Variants in MDM2 observed in about 807,000 individuals in gnomAD.
MDM2 encodes MDM2 proto-oncogene, also known as E3 ubiquitin-protein ligase Mdm2.
Under a neutral mutation model 64.3 loss-of-function variants are expected in MDM2, and 11 were observed. The ratio of observed to expected loss-of-function variants is 0.17; its 90% CI spans 0.11 to 0.28. The LOEUF (loss-of-function observed/expected upper bound fraction) is 0.28. Ranked by LOEUF, MDM2 falls within the 10% of genes least tolerant of loss-of-function variation. The pLI is 1.00. For synonymous variants in MDM2, 194 were observed against 192.9 expected (o/e 1.01, Z -0.05); for missense variants, 388 against 577.1 (o/e 0.67, Z 3.36).
At chr12:68,810,467 TA>T (rs796844444) in intron 2 of MDM2, among the ~76,000 whole-genome samples, 8 of 151,468 alleles carry the variant, frequency 5.3e-5, no homozygotes, top group African/African-American at 1.2e-4. Context: ...TTATTATTAT[TA>T]TTATTTTTTT....
chr12:68,817,113 C>T, intron 4 of MDM2, 168 bp downstream of exon 4: 1 of 664,672 alleles, frequency 1.5e-6, no homozygotes, highest in Non-Finnish European at 2.4e-6. Context: ...TGAGCTCTGG[C>T]ATCTTATAAA....
At chr12:68,819,723 T>C (rs1182152937) in intron 4 of MDM2, among the ~76,000 whole-genome samples, 1 of 152,200 alleles carries the variant, frequency 6.6e-6, no homozygotes, top group East Asian at 1.9e-4. Flanking sequence ...GCTCCAGGCC[T>C]CGGGTGATCT....
chr12:68,824,273 T>C, intron 5 of MDM2, 90 bp from the exon 6 acceptor site: 6 of 820,256 alleles, frequency 7.3e-6, no homozygotes, highest in Non-Finnish European at 1.2e-5. Context: ...TGCATAAGGG[T>C]TTGTGTTAGA....
At chr12:68,821,857 G>A (rs553696127) in intron 5 of MDM2, among the ~76,000 whole-genome samples, 1 of 152,026 alleles carries the variant, frequency 6.6e-6, no homozygotes, top group Non-Finnish European at 1.5e-5. Context: ...TTTACTTGTG[G>A]GTTTTTTTGT....
downstream of MDM2, chr12:68,846,545 A>T (rs1884310669): frequency 6.6e-6 from 1 of 152,144 alleles, no homozygotes; most frequent in Non-Finnish European, 1.5e-5. Context: ...AGATCACAGT[A>T]ATATCTCCCT....
chr12:68,834,368 G>A (rs139145910), intron 8 of MDM2, among the ~76,000 whole-genome samples: 3,287 of 152,092 alleles, frequency 0.022, 86 homozygotes, highest in African/African-American at 0.063. Flanking sequence ...CTTGAACCCC[G>A]GAGGCGGAGG....
intron 7 of MDM2, among the ~76,000 whole-genome samples, chr12:68,826,380 G>A (rs1163586556): frequency 6.6e-6 from 1 of 152,032 alleles, no homozygotes; most frequent in African/African-American, 2.4e-5. Context: ...CTGGTGCGGT[G>A]GCTCACACCT....
chr12:68,842,771 T>A lies in MDM2; in HGVS notation c.*2922T>A, dbSNP rs1795473. The A allele has an allele frequency of 5.2e-6, 1 of 192,618 alleles. No homozygotes were observed. Among genetic ancestry groups the A allele is most frequent in the Non-Finnish European group, 1.1e-5 (1 of 91,958 alleles). 11.9% of individuals were successfully genotyped at this position (192,618 alleles called of 1,614,324 possible). The stretch of plus-strand genomic sequence containing the variant: ...GAGGATATAAGGAACCAACAGTTTG[T>A]ATGAAAATAGCTCAAATAATATCTT... On this transcript the variant is annotated 3_prime_UTR_variant, in exon 11 of 11. Coordinates refer to ENST00000258149, the MANE Select transcript of MDM2 (RefSeq NM_002392.6).
At chr12:68,837,567 G>C (rs1056373507) in intron 10 of MDM2, among the ~76,000 whole-genome samples, 2 of 152,078 alleles carry the variant, frequency 1.3e-5, no homozygotes, top group South Asian at 2.1e-4. Context: ...TGTTGCCCAG[G>C]ATGGTCTTGA....
chr12:68,833,115 G>T (rs1260783158), intron 8 of MDM2, among the ~76,000 whole-genome samples: 2 of 88,924 alleles, frequency 2.2e-5, no homozygotes, highest in African/African-American at 9.0e-5. Flanking sequence ...GACAGAGCGA[G>T]ACTCTGTCTC....
At chr12:68,846,816 GCCTAGTGA>G (rs1172834017), downstream of MDM2, 1 of 151,860 alleles carries the variant, frequency 6.6e-6, no homozygotes, top group Non-Finnish European at 1.5e-5. Context: ...GTACTTACTC[GCCTAGTGA>G]CCTTAGAGAC....
rs767959909 is a variant in MDM2, at chr12:68,841,292, T to C, written c.*1443T>C. ...TTGATTTAACAATAGAGACAGGGTC[T>C]CCCTGTGTTGCCCAGGCTGGTCTCG... On this transcript the variant is annotated 3_prime_UTR_variant, in exon 11 of 11. Transcript: ENST00000258149. 4.9e-6 allele frequency: 1 copy of C among 203,826 alleles called. No homozygotes were observed. The highest frequency in any genetic ancestry group is 1.0e-5 in the Non-Finnish European group (1 of 99,360). 12.6% of individuals were successfully genotyped at this position (203,826 alleles called of 1,614,324 possible).
chr12:68,847,050 A>G (rs73144210), downstream of MDM2: 50,642 of 149,188 alleles, frequency 0.34, 9,300 homozygotes, highest in Non-Finnish European at 0.42. Flanking sequence ...TAGTGGCGCA[A>G]ACATGACTCA....
chr12:68,842,178 A>G lies in MDM2; in HGVS notation c.*2329A>G, dbSNP rs940280698. 5 of 491,836 alleles carry G rather than the reference A, an allele frequency of 1.0e-5. No individual in the cohort carries two copies. The highest frequency in any genetic ancestry group is 2.4e-5 in the Admixed American group (1 of 41,660). 30.5% of individuals were successfully genotyped at this position (491,836 alleles called of 1,614,324 possible). A position where few individuals can be genotyped will look rare whatever the true frequency, so the allele number is the denominator to read the frequency against. On this transcript the variant is annotated 3_prime_UTR_variant, in exon 11 of 11. Coordinates refer to ENST00000258149, the MANE Select transcript of MDM2 (RefSeq NM_002392.6). ...TCTGCAAGAACTATGGAATAAAACTACTGATGCAGTGAAGACAGTTGAAAA... is the reference window on the plus strand; with the variant it reads ...TCTGCAAGAACTATGGAATAAAACTGCTGATGCAGTGAAGACAGTTGAAAA...
At chr12:68,829,607 A>C (rs1177804689) in intron 8 of MDM2, among the ~76,000 whole-genome samples, 1 of 152,098 alleles carries the variant, frequency 6.6e-6, no homozygotes, top group Non-Finnish European at 1.5e-5. Context: ...CTTTACTGAA[A>C]ATACAAAAAT....
chr12:68,845,608 T>G (rs1884232605), downstream of MDM2: 1 of 178,260 alleles, frequency 5.6e-6, no homozygotes, highest in East Asian at 9.4e-5. Flanking sequence ...AAGCTCTCCT[T>G]TAAAGACTTT....
At chr12:68,833,854 A>G (rs1157460532) in intron 8 of MDM2, among the ~76,000 whole-genome samples, 4 of 152,108 alleles carry the variant, frequency 2.6e-5, no homozygotes, top group African/African-American at 9.7e-5. Flanking sequence ...TAGTGCACTA[A>G]AGACTTTAGT....
At chr12:68,826,306 G>A (rs1013345097) in intron 7 of MDM2, among the ~76,000 whole-genome samples, 7 of 152,102 alleles carry the variant, frequency 4.6e-5, no homozygotes, top group Non-Finnish European at 1.0e-4. Flanking sequence ...CTGTTGGTCT[G>A]TAAATTGGTA....
At chr12:68,809,459 G>GA (rs1330874140) in intron 2 of MDM2, among the ~76,000 whole-genome samples, 167 bp downstream of exon 2, 1 of 152,174 alleles carries the variant, frequency 6.6e-6, no homozygotes, top group African/African-American at 2.4e-5. Context: ...AAACTGTTAA[G>GA]AACTGGTCAG....
Sources: gnomAD v4.1 joint callset for allele counts (sites outside exome capture counted in the v4.1 genomes callset) on GRCh38, gnomAD v4.1.1 for gene constraint, MANE v1.5 for transcripts, NCBI Gene and HGNC (gene_info 2026-07-23, HGNC 2026-07-21) for gene names.